SS18L1: variants seen among roughly 807,000 people sequenced by gnomAD.
The protein encoded by SS18L1 is SS18L1 subunit of BAF chromatin remodeling complex, also known as calcium-responsive transactivator.
SS18L1 carries 32 observed loss-of-function variants against 70.3 expected under a neutral mutation model. The ratio of observed to expected loss-of-function variants is 0.46; its 90% CI spans 0.34 to 0.61. The LOEUF (loss-of-function observed/expected upper bound fraction) is 0.61, where lower values mean the gene tolerates loss of function less well. SS18L1 is among the 20% of genes least tolerant of loss of function. SS18L1 has a pLI of 0.01. For missense variants in SS18L1, 430 were observed against 542.1 expected (o/e 0.79, Z 2.05); for synonymous variants, 237 against 229.7 (o/e 1.03, Z -0.29).
At chr20:62,151,923 T>C in intron 1 of SS18L1, among the ~76,000 whole-genome samples, 1 of 121,280 alleles carries the variant, frequency 8.2e-6, no homozygotes. Context: ...GCCTCCCCCG[T>C]TCTCCTCTTT....
Position 62,181,336 on chromosome 20 carries a change from T to G in SS18L1, c.*2128T>G. 4.8e-6 allele frequency: 1 copy of G among 207,986 alleles called. No homozygotes were observed. Among genetic ancestry groups the G allele is most frequent in the South Asian group, 1.9e-4 (1 of 5,328 alleles). The allele number at this position is 207,986 out of a possible 1,614,324, so 12.9% of individuals were successfully genotyped here. A position where few individuals can be genotyped will look rare whatever the true frequency, so the allele number is the denominator to read the frequency against. On this transcript the variant is annotated 3_prime_UTR_variant, in exon 11 of 11. Coordinates refer to ENST00000331758, the MANE Select transcript of SS18L1 (RefSeq NM_198935.3). ...AGTCATCTCCCTTGATTGTGTTCTT[T>G]TCCTGTCAATTTTCATAGACCTAAT... is the stretch of plus-strand genomic sequence containing the variant.
Position 62,161,663 on chromosome 20 carries a change from A to C in SS18L1, c.376+83A>C. 1 of 1,516,724 alleles carries C rather than the reference A, an allele frequency of 6.6e-7. No homozygotes were observed. The highest frequency in any genetic ancestry group is 8.9e-7 in the Non-Finnish European group (1 of 1,125,060). 94.0% of individuals were successfully genotyped at this position (1,516,724 alleles called of 1,614,324 possible). A position where few individuals can be genotyped will look rare whatever the true frequency, so the allele number is the denominator to read the frequency against. On this transcript the variant is annotated intron_variant, in intron 4 of 10. Transcript: ENST00000331758. The surrounding 1 kb of genome is among the most constrained non-coding windows in gnomAD (Gnocchi z 4.4). ...GGGCAGCCGGCTGCCATGGTGGGGC[A>C]CCCCACCCCTCACAGGGCTGGGCAT...
chr20:62,166,944 TAAAAA>T (rs765345636), intron 8 of SS18L1, among the ~76,000 whole-genome samples: 1 of 141,734 alleles, frequency 7.1e-6, no homozygotes, highest in African/African-American at 2.7e-5. Context: ...TAAAAAGAAA[TAAAAA>T]AAAGAAATGG....
At chr20:62,145,541 G>A (rs1449691670) in intron 1 of SS18L1, among the ~76,000 whole-genome samples, 1 of 152,204 alleles carries the variant, frequency 6.6e-6, no homozygotes, top group Non-Finnish European at 1.5e-5. Flanking sequence ...TGGCTGCAAC[G>A]TTTATCCCAT....
rs527388350 is a variant in SS18L1, at chr20:62,171,247, A to C, written c.917-1435A>C. ...TGTAAAGAATAAAGTGGGCTATAAA[A>C]CATGAGAATATGCAGGCTGACCCCC... is the stretch of plus-strand genomic sequence containing the variant. On this transcript the variant is annotated intron_variant, in intron 8 of 10. Transcript: ENST00000331758. Among the ~76,000 whole-genome samples, 25 of 152,194 alleles carry C rather than the reference A, an allele frequency of 1.6e-4. 1 individual carries two copies. The South Asian group carries it at 5.2e-3, about 32-fold the overall frequency.
At chr20:62,170,347 T>C (rs2057508668) in intron 8 of SS18L1, among the ~76,000 whole-genome samples, 1 of 151,816 alleles carries the variant, frequency 6.6e-6, no homozygotes, top group Non-Finnish European at 1.5e-5. Flanking sequence ...CTACTAAAAA[T>C]AGAAAAAAAT....
chr20:62,175,058 G>C, intron 10 of SS18L1: 1 of 742,068 alleles, frequency 1.3e-6, no homozygotes, highest in Non-Finnish European at 1.6e-6. Context: ...ACAGAGCGGG[G>C]GGCCCCAAAT....
chr20:62,170,648 A>G (rs1269471599), intron 8 of SS18L1, among the ~76,000 whole-genome samples: 1 of 152,136 alleles, frequency 6.6e-6, no homozygotes, highest in Non-Finnish European at 1.5e-5. Flanking sequence ...TGAAAACGGC[A>G]AAGGCCTTTT....
At position 62,163,547 on chromosome 20, in the gene SS18L1, A is replaced by G. The variant is rs772504448; in HGVS notation, c.646A>G (p.Met216Val). The change falls in exon 6 of 11, where the codon ATG becomes GTG. Residue 216 changes from methionine to valine, a missense_variant. Met to Val is a conservative substitution (Grantham distance 21, BLOSUM62 1). Coordinates refer to ENST00000331758, the MANE Select transcript of SS18L1 (RefSeq NM_198935.3). ...CTACCAGGGCCAGTCGTCCATCGCC[A>G]TGATGGGGCAGGGCAGCCAGGGGAG... is the stretch of plus-strand genomic sequence containing the variant. ...QHYQGQSSIAMMGQGSQGSSM... is the reference protein window; with the variant it reads ...QHYQGQSSIAVMGQGSQGSSM... The G allele has an allele frequency of 1.1e-5, 18 of 1,611,070 alleles. No individual in the cohort carries two copies. The highest frequency in any genetic ancestry group is 1.4e-5 in the Non-Finnish European group (17 of 1,179,688).
rs909837325 is a variant in SS18L1, at chr20:62,159,299, G to A, written c.146+551G>A. On this transcript the variant is annotated intron_variant, in intron 2 of 10. Coordinates refer to ENST00000331758, the MANE Select transcript of SS18L1 (RefSeq NM_198935.3). This position sits in a 1 kb window ranked among gnomAD's most constrained non-coding sequence, Gnocchi z 4.4. Reference sequence around the variant, plus strand: ...GTGGCCAGTCTGCCACCCTCCAAGCGGCTGTCCAAGTGGCCGTCAGACTGA... The same window carrying A: ...GTGGCCAGTCTGCCACCCTCCAAGCAGCTGTCCAAGTGGCCGTCAGACTGA... Among the ~76,000 whole-genome samples, 3 of 152,184 alleles carry A rather than the reference G, an allele frequency of 2.0e-5. No individual in the cohort carries two copies. Among genetic ancestry groups the A allele is most frequent in the East Asian group, 1.9e-4 (1 of 5,186 alleles).
At chr20:62,160,087 A>G in intron 3 of SS18L1, 126 bp downstream of exon 3, 2 of 957,900 alleles carry the variant, frequency 2.1e-6, no homozygotes, top group South Asian at 3.2e-5. Context: ...ATACCACTAG[A>G]GCCACCAGAA....
chr20:62,147,644 T>A (rs1394437249), intron 1 of SS18L1, among the ~76,000 whole-genome samples: 1 of 152,118 alleles, frequency 6.6e-6, no homozygotes, highest in Non-Finnish European at 1.5e-5. Flanking sequence ...CCCCAGCACC[T>A]GTTGCGGGGC....
rs767741767 is a variant in SS18L1 at position 62,165,407 on chromosome 20, C to G, written c.824-15C>G. On this transcript the variant is annotated splice_polypyrimidine_tract_variant and intron_variant, in intron 7 of 10. Coordinates refer to ENST00000331758, the MANE Select transcript of SS18L1 (RefSeq NM_198935.3). ...CACAGCCTCCGCTGACTGTCGCCGT[C>G]TCCGTTTCGCACAGGCCATGGCGAT... 39 of 1,607,786 alleles carry G rather than the reference C, an allele frequency of 2.4e-5. 2 individuals are homozygous for G. The South Asian group carries it at 2.8e-4, about 11-fold the overall frequency.
chr20:62,162,470 T>G, intron 4 of SS18L1: 1 of 313,674 alleles, frequency 3.2e-6, no homozygotes. Flanking sequence ...CCTGGCTAAT[T>G]TTTTTGTATT....
At chr20:62,155,532 G>C (rs934191975) in intron 1 of SS18L1, among the ~76,000 whole-genome samples, 1 of 152,236 alleles carries the variant, frequency 6.6e-6, no homozygotes, top group African/African-American at 2.4e-5. Context: ...CACCGCTGTG[G>C]CTTCTGCGGA....
Position 62,172,609 on chromosome 20 carries a change from G to A in SS18L1, c.917-73G>A, listed in dbSNP as rs568580766. ...TTTGGGATTCCAAAGTTACCGTGTC[G>A]TGAGTGGGCCACAGAATGAGCCCCC... On this transcript the variant is annotated intron_variant, in intron 8 of 10. Transcript: ENST00000331758. The A allele has an allele frequency of 7.5e-6, 12 of 1,604,562 alleles. No individual in the cohort carries two copies. The East Asian group carries it at 9.0e-5, about 12-fold the overall frequency.
At chr20:62,167,440 A>G (rs2057456259) in intron 8 of SS18L1, among the ~76,000 whole-genome samples, 1 of 150,584 alleles carries the variant, frequency 6.6e-6, no homozygotes, top group African/African-American at 2.4e-5. Flanking sequence ...GGGTACCTGT[A>G]ATCCCAGCTA....
At chr20:62,167,335 G>A (rs548684352) in intron 8 of SS18L1, among the ~76,000 whole-genome samples, 16 of 150,144 alleles carry the variant, frequency 1.1e-4, no homozygotes, top group East Asian at 6.1e-4. Flanking sequence ...GAGCCACCGC[G>A]CCCGGCCGAG....
chr20:62,161,730 C>T lies in SS18L1; in HGVS notation c.376+150C>T, dbSNP rs1164809196. On this transcript the variant is annotated intron_variant, in intron 4 of 10. Transcript: ENST00000331758. This position sits in a 1 kb window ranked among gnomAD's most constrained non-coding sequence, Gnocchi z 4.4. ...GGGGTAGCCACAGGTCGGCTGCCAT[C>T]GCCCAGGCTCAGGGCCGCAGCGAGC... 1.7e-5 allele frequency: 21 copies of T among 1,237,964 alleles called. No individual in the cohort carries two copies. Among genetic ancestry groups the T allele is most frequent in the African/African-American group, 4.6e-5 (3 of 65,772 alleles). The allele number at this position is 1,237,964 out of a possible 1,614,324, so 76.7% of individuals were successfully genotyped here.
Sources: allele counts gnomAD v4.1 joint callset (sites outside exome capture counted in the v4.1 genomes callset), GRCh38; gene constraint gnomAD v4.1.1; non-coding constraint Gnocchi (gnomAD v3.1); transcripts MANE v1.5; gene names NCBI Gene and HGNC (gene_info 2026-07-23, HGNC 2026-07-21).